The following VCPIP1 variants were observed in gnomAD, a reference collection of about 807,000 sequenced individuals.
The protein encoded by VCPIP1 is deubiquitinating protein VCPIP1.
In VCPIP1, 8 loss-of-function variants were observed where a neutral mutation model predicts 85.0. That is an observed-to-expected ratio of 0.09 (90% confidence interval 0.06 to 0.17). The LOEUF (loss-of-function observed/expected upper bound fraction) is 0.17, where lower values mean the gene tolerates loss of function less well. VCPIP1 is among the 10% of genes least tolerant of loss of function. The probability of loss-of-function intolerance (pLI) is 1.00; values close to 1 mark genes in which losing one functional copy is unlikely to be tolerated. For synonymous variants in VCPIP1, 543 were observed against 544.5 expected (o/e 1.00, Z 0.04); for missense variants, 1,070 against 1,486.3 (o/e 0.72, Z 4.61).
chr8:66,664,188 G>C (rs976080479), intron 1 of VCPIP1, 61 bp downstream of exon 1: 1 of 1,440,124 alleles, frequency 6.9e-7, no homozygotes, highest in African/African-American at 1.4e-5. Flanking sequence ...AAAGATAACA[G>C]GAAAACTCAG....
At chr8:66,662,351 C>G (rs1177476772) in intron 1 of VCPIP1, among the ~76,000 whole-genome samples, 1 of 152,158 alleles carries the variant, frequency 6.6e-6, no homozygotes, top group African/African-American at 2.4e-5. Context: ...TTTTCATGAA[C>G]CCCAGATGAT....
Position 66,634,858 on chromosome 8 carries a change from G to A in VCPIP1, c.3312C>T (p.Ala1104=), listed in dbSNP as rs758336849. Residue 1104 remains alanine, a synonymous_variant, in exon 3 of 3, where the codon GCC becomes GCT. Transcript: ENST00000310421. ...CCATTTCCTGCAATTTTTTTCGCTG[G>A]GCCTCAACCAAATCAGGATCAAGCT... ...GRQLDPDLVE[A]QRKKLQEMVS... is the part of the protein sequence containing the mutation. 21 of 1,613,886 alleles carry A rather than the reference G, an allele frequency of 1.3e-5. No homozygotes were observed. The highest frequency in any genetic ancestry group is 1.8e-5 in the Non-Finnish European group (21 of 1,179,970).
At chr8:66,647,304 G>A (rs1405941335) in intron 2 of VCPIP1, among the ~76,000 whole-genome samples, 1 of 151,792 alleles carries the variant, frequency 6.6e-6, no homozygotes, top group African/African-American at 2.4e-5. Flanking sequence ...CTGCGACACT[G>A]CACTCCAGCC....
chr8:66,657,053 G>A (rs1380951397), intron 1 of VCPIP1, among the ~76,000 whole-genome samples: 2 of 151,840 alleles, frequency 1.3e-5, no homozygotes, highest in African/African-American at 4.8e-5. Flanking sequence ...TTACAGGTGT[G>A]CGCCACCACT....
At chr8:66,638,968 C>CTATATATATATATATATA (rs1432062184) in intron 2 of VCPIP1, among the ~76,000 whole-genome samples, 32 of 127,022 alleles carry the variant, frequency 2.5e-4, no homozygotes, top group African/African-American at 1.1e-3. Context: ...CTCTCTCTCT[C>CTATATATATATATATATA]TCTATATATA....
At chr8:66,643,901 A>G (rs2130157138) in intron 2 of VCPIP1, among the ~76,000 whole-genome samples, 1 of 151,560 alleles carries the variant, frequency 6.6e-6, no homozygotes, top group Middle Eastern at 3.4e-3. Flanking sequence ...AAAAAAAAAA[A>G]AAGAGGCACA....
rs1811188707 is a variant in VCPIP1, at chr8:66,664,619, T to G, written c.2340A>C (p.Thr780=). 3 of 1,614,116 alleles carry G rather than the reference T, an allele frequency of 1.9e-6. No homozygotes were observed. The highest frequency in any genetic ancestry group is 2.5e-6 in the Non-Finnish European group (3 of 1,180,004). Reference sequence around the variant, plus strand: ...CCATGGACTGTCGTCCATCATTAGTTGTGATTCGGATCTTCTTCTCCTTAG... The same window carrying G: ...CCATGGACTGTCGTCCATCATTAGTGGTGATTCGGATCTTCTTCTCCTTAG... The part of the protein sequence containing the change: ...TTSKEKKIRI[T]TNDGRQSMVT... The change falls in exon 1 of 3, where the codon ACA becomes ACC. Residue 780 remains threonine (T), a synonymous_variant. Transcript: ENST00000310421.
In VCPIP1 at chr8:66,630,652, C is replaced by T. The variant is rs1250805475; in HGVS notation, c.*3849G>A. On this transcript the variant is annotated 3_prime_UTR_variant, in exon 3 of 3. Coordinates refer to ENST00000310421, the MANE Select transcript of VCPIP1 (RefSeq NM_025054.5). ...ATTATACTACAAAAGCATGTAGTCT[C>T]CATAATTAAAAAATTAAATGTCAGA... The T allele has an allele frequency of 6.6e-6, 1 of 152,468 alleles. No homozygotes were observed. Among genetic ancestry groups the T allele is most frequent in the African/African-American group, 2.4e-5 (1 of 41,416 alleles). The allele number at this position is 152,468 out of a possible 1,614,324, so 9.4% of individuals were successfully genotyped here.
In VCPIP1 at chr8:66,666,959, A is replaced by G; in HGVS notation, c.-1T>C. ...GCGGCGGCGGCGGCGGCTGAGACAT[A>G]GCTCCTGGCTCTCGTGTCTCGCTCC... On this transcript the variant is annotated 5_prime_UTR_variant, in exon 1 of 3. Coordinates refer to ENST00000310421, the MANE Select transcript of VCPIP1 (RefSeq NM_025054.5). This position sits in a 1 kb window ranked among gnomAD's most constrained non-coding sequence, Gnocchi z 6.3. 1 of 1,560,286 alleles carries G rather than the reference A, an allele frequency of 6.4e-7. No individual in the cohort carries two copies. Among genetic ancestry groups the G allele is most frequent in the Non-Finnish European group, 8.6e-7 (1 of 1,159,748 alleles).
Position 66,629,997 on chromosome 8 carries a change from T to C in VCPIP1, c.*4504A>G, listed in dbSNP as rs1810818679. 6.6e-6 allele frequency: 1 copy of C among 152,188 alleles called. No individual in the cohort carries two copies. The highest frequency in any genetic ancestry group is 2.4e-5 in the African/African-American group (1 of 41,446). 9.4% of individuals were successfully genotyped at this position (152,188 alleles called of 1,614,324 possible). ...TTATTTAAGAATTTCTTTATAAAAC[T>C]GAACTATATGTTCATGCATTATAAT... On this transcript the variant is annotated 3_prime_UTR_variant, in exon 3 of 3. Coordinates refer to ENST00000310421, the MANE Select transcript of VCPIP1 (RefSeq NM_025054.5).
rs1225469164 is a variant in VCPIP1 at position 66,632,246 on chromosome 8, C to T, written c.*2255G>A. The T allele has an allele frequency of 6.6e-6, 1 of 152,048 alleles. No individual in the cohort carries two copies. Among genetic ancestry groups the T allele is most frequent in the Non-Finnish European group, 1.5e-5 (1 of 67,932 alleles). 9.4% of individuals were successfully genotyped at this position (152,048 alleles called of 1,614,324 possible). ...ACTTAAAAGAAACCCTATTCTAAAA[C>T]TTCTTTGTGAGGATACCTGGCCTAC... On this transcript the variant is annotated 3_prime_UTR_variant, in exon 3 of 3. Coordinates refer to ENST00000310421, the MANE Select transcript of VCPIP1 (RefSeq NM_025054.5).
intron 1 of VCPIP1, among the ~76,000 whole-genome samples, chr8:66,652,141 T>C (rs992601940): frequency 1.3e-5 from 2 of 151,858 alleles, no homozygotes; most frequent in African/African-American, 4.8e-5. Context: ...CAGGGAGCAG[T>C]GTTTGCATCA....
Position 66,667,133 on chromosome 8 carries a change from C to A in VCPIP1, c.-175G>T. The A allele has an allele frequency of 7.4e-7, 1 of 1,360,200 alleles. No homozygotes were observed. Among genetic ancestry groups the A allele is most frequent in the Non-Finnish European group, 9.6e-7 (1 of 1,044,210 alleles). The allele number at this position is 1,360,200 out of a possible 1,614,324, so 84.3% of individuals were successfully genotyped here. ...GGAAGCGCCGGACGTTGTTTCTCTT[C>A]TTACTTCTCCACTGCCGTAGCCGTT... On this transcript the variant is annotated 5_prime_UTR_variant, in exon 1 of 3. Transcript: ENST00000310421.
In VCPIP1 at chr8:66,652,939, T is replaced by C. The variant is rs532701620; in HGVS notation, c.2711-1395A>G. On this transcript the variant is annotated intron_variant, in intron 1 of 2. Coordinates refer to ENST00000310421, the MANE Select transcript of VCPIP1 (RefSeq NM_025054.5). ...TTGTCTTCCCTACATGAAGATTATA[T>C]TGTTGGACCTGAGCTCTGAATAGTT... 1.4e-4 allele frequency among the ~76,000 whole-genome samples: 22 copies of C among 152,342 alleles called. No homozygotes were observed. In the East Asian group the frequency reaches 3.3e-3, roughly 23 times the overall value.
At chr8:66,656,252 T>C (rs1010611359) in intron 1 of VCPIP1, among the ~76,000 whole-genome samples, 9 of 152,210 alleles carry the variant, frequency 5.9e-5, no homozygotes, top group Non-Finnish European at 1.3e-4. Context: ...TGGAAAGTAG[T>C]GGCTCAATCA....
intron 2 of VCPIP1, among the ~76,000 whole-genome samples, chr8:66,648,859 A>C (rs888348051): frequency 4.6e-5 from 7 of 152,036 alleles, no homozygotes; most frequent in Non-Finnish European, 8.8e-5. Context: ...GCTCAGCCCC[A>C]GTAAAACTTT....
At chr8:66,659,921 A>G (rs572065981) in intron 1 of VCPIP1, among the ~76,000 whole-genome samples, 3 of 151,700 alleles carry the variant, frequency 2.0e-5, no homozygotes, top group South Asian at 4.2e-4. Context: ...TGTCTCCAGA[A>G]AAAAAAAAGA....
intron 2 of VCPIP1, among the ~76,000 whole-genome samples, chr8:66,639,827 G>A (rs1810929927): frequency 6.6e-6 from 1 of 152,028 alleles, no homozygotes; most frequent in South Asian, 2.1e-4. Context: ...GGGTTGAGAG[G>A]GGCTTGATAC....
At chr8:66,660,700 A>C (rs2130179869) in intron 1 of VCPIP1, among the ~76,000 whole-genome samples, 1 of 152,228 alleles carries the variant, frequency 6.6e-6, no homozygotes, top group East Asian at 1.9e-4. Flanking sequence ...ACATATGGTT[A>C]GTATTTATCC....
Sources: allele counts gnomAD v4.1 joint callset (sites outside exome capture counted in the v4.1 genomes callset), GRCh38; gene constraint gnomAD v4.1.1; non-coding constraint Gnocchi (gnomAD v3.1); transcripts MANE v1.5; gene names NCBI Gene and HGNC (gene_info 2026-07-23, HGNC 2026-07-21).